Variants in MMP16 observed in about 807,000 individuals in gnomAD.
MMP16 encodes matrix metalloproteinase-16.
Under a neutral mutation model 67.8 loss-of-function variants are expected in MMP16, and 12 were observed. The observed-to-expected ratio is 0.18, with a 90% CI of 0.11 to 0.29. The LOEUF is 0.29. Ranked by LOEUF, MMP16 falls within the 10% of genes least tolerant of loss-of-function variation. The pLI is 1.00. For missense variants in MMP16, 475 were observed against 765.7 expected, an observed-to-expected ratio of 0.62 and a Z score of 4.48; for synonymous variants, 249 against 255.9, an observed-to-expected ratio of 0.97 and a Z score of 0.26.
intron 4 of MMP16, among the ~76,000 whole-genome samples, chr8:88,162,390 C>T (rs948834772): frequency 4.0e-5 from 6 of 151,816 alleles, no homozygotes; most frequent in Non-Finnish European, 1.5e-5. Flanking sequence ...GGTGTGAAAG[C>T]CGAATTATTG....
chr8:88,173,108 G>A (rs539945324), intron 3 of MMP16, among the ~76,000 whole-genome samples: 56 of 152,254 alleles, frequency 3.7e-4, no homozygotes, highest in Non-Finnish European at 7.8e-4. Flanking sequence ...GGAGTGCAGT[G>A]GCAAGATCAC....
chr8:88,162,599 T>C (rs889693844), intron 4 of MMP16, among the ~76,000 whole-genome samples: 4 of 152,114 alleles, frequency 2.6e-5, no homozygotes, highest in Admixed American at 2.0e-4. Context: ...TGGTACTGAC[T>C]GATAGGCATC....
At chr8:88,256,074 C>T (rs1425739060) in intron 1 of MMP16, among the ~76,000 whole-genome samples, 1 of 152,094 alleles carries the variant, frequency 6.6e-6, no homozygotes, top group African/African-American at 2.4e-5. Flanking sequence ...AGCTCATCTC[C>T]TATTTTCAGC....
In MMP16 at chr8:88,327,202, A is replaced by G. The variant is rs780907693; in HGVS notation, c.5T>C (p.Ile2Thr). The change falls in exon 1 of 10, where the codon ATC (isoleucine) becomes ACC (threonine). Residue 2 changes from isoleucine to threonine, a missense_variant. Ile to Thr is a moderately conservative substitution (Grantham distance 89). Around this residue, in one of 5 missense-constraint regions of MMP16, gnomAD observed 170 missense variants for 239.6 expected, o/e 0.71. Coordinates refer to ENST00000286614, the MANE Select transcript of MMP16 (RefSeq NM_005941.5). ...TCTTCCAGTGCTGAATGTGAGTAAGATCATAGTGAACTGTGCTTCAATGGA... is the reference window on the plus strand; with the variant it reads ...TCTTCCAGTGCTGAATGTGAGTAAGGTCATAGTGAACTGTGCTTCAATGGA... M[I>T]LLTFSTGRRL... is the part of the protein sequence containing the mutation. 18 of 1,613,710 alleles carry G rather than the reference A, an allele frequency of 1.1e-5. No homozygotes were observed. In the South Asian group the frequency reaches 1.4e-4, roughly 13 times the overall value.
intron 9 of MMP16, among the ~76,000 whole-genome samples, chr8:88,045,162 CT>C (rs929400128): frequency 6.6e-6 from 1 of 152,148 alleles, no homozygotes; most frequent in Non-Finnish European, 1.5e-5. Flanking sequence ...TTCTTTTTGA[CT>C]TTGCCTCTGC....
chr8:88,124,525 CG>C (rs896953630), intron 4 of MMP16, among the ~76,000 whole-genome samples: 2 of 151,782 alleles, frequency 1.3e-5, no homozygotes, highest in Non-Finnish European at 2.9e-5. Flanking sequence ...CCACTTTTTC[CG>C]TAGCCCTAAA....
At chr8:88,139,455 A>G (rs1563543328) in intron 4 of MMP16, among the ~76,000 whole-genome samples, 1 of 152,116 alleles carries the variant, frequency 6.6e-6, no homozygotes, top group Admixed American at 6.6e-5. Flanking sequence ...CCATCATTTA[A>G]GACTCTAGTA....
intron 7 of MMP16, among the ~76,000 whole-genome samples, chr8:88,065,925 T>A (rs1808457999): frequency 6.6e-6 from 1 of 152,170 alleles, no homozygotes; most frequent in Non-Finnish European, 1.5e-5. Context: ...TCTCTTTTGA[T>A]ACACATCTTG....
At chr8:88,290,309 T>G (rs1474158210) in intron 1 of MMP16, among the ~76,000 whole-genome samples, 1 of 152,024 alleles carries the variant, frequency 6.6e-6, no homozygotes, top group Non-Finnish European at 1.5e-5. Flanking sequence ...TCCCAGCAAC[T>G]TGGGAGGCCG....
intron 2 of MMP16, among the ~76,000 whole-genome samples, chr8:88,188,748 C>T (rs1348295066): frequency 2.0e-5 from 3 of 151,882 alleles, no homozygotes; most frequent in African/African-American, 4.8e-5. Context: ...CTCCACCTCC[C>T]GGGTTCAAGC....
intron 6 of MMP16, among the ~76,000 whole-genome samples, chr8:88,088,392 C>CT (rs1322955289): frequency 6.6e-6 from 1 of 151,668 alleles, no homozygotes; most frequent in East Asian, 2.0e-4. Context: ...TAGGGAAAGA[C>CT]TTTTTTTCTT....
chr8:88,077,497 T>G (rs1808670671), intron 6 of MMP16, among the ~76,000 whole-genome samples: 1 of 152,166 alleles, frequency 6.6e-6, no homozygotes, highest in Admixed American at 6.5e-5. Flanking sequence ...TCACTGCATT[T>G]ATAGTCATTT....
intron 1 of MMP16, among the ~76,000 whole-genome samples, chr8:88,265,729 T>C (rs1453802048): frequency 6.6e-6 from 1 of 152,178 alleles, no homozygotes; most frequent in Admixed American, 6.5e-5. Context: ...AGTCCATGAC[T>C]ATAGGAAAAT....
chr8:88,161,375 T>C (rs1808619891), intron 4 of MMP16, among the ~76,000 whole-genome samples: 1 of 152,198 alleles, frequency 6.6e-6, no homozygotes. Flanking sequence ...TTTGTATTTC[T>C]GTGGGATCAG....
intron 1 of MMP16, among the ~76,000 whole-genome samples, chr8:88,215,148 AC>A (rs996822711): frequency 1.4e-4 from 21 of 152,022 alleles, no homozygotes; most frequent in African/African-American, 4.8e-4. Flanking sequence ...ACATGGTGAA[AC>A]CCCATCTTTA....
intron 1 of MMP16, among the ~76,000 whole-genome samples, chr8:88,198,810 T>C (rs1406176434): frequency 1.3e-5 from 2 of 152,068 alleles, no homozygotes; most frequent in Non-Finnish European, 2.9e-5. Flanking sequence ...TAAACTCATG[T>C]ACCATATAGT....
At chr8:88,247,602 C>A (rs1348395015) in intron 1 of MMP16, among the ~76,000 whole-genome samples, 2 of 151,818 alleles carry the variant, frequency 1.3e-5, no homozygotes, top group African/African-American at 2.4e-5. Context: ...CATTTTCCTG[C>A]CAATCCAGGA....
chr8:88,198,116 T>A (rs1809285277), intron 1 of MMP16, among the ~76,000 whole-genome samples: 2 of 152,172 alleles, frequency 1.3e-5, no homozygotes, highest in African/African-American at 4.8e-5. Context: ...GAGCAAAAAT[T>A]CGGAGTCATT....
intron 1 of MMP16, among the ~76,000 whole-genome samples, chr8:88,265,477 T>C (rs1305462234): frequency 6.6e-6 from 1 of 152,094 alleles, no homozygotes; most frequent in African/African-American, 2.4e-5. Flanking sequence ...AGAATGATCA[T>C]TAACTGGGTA....
Sources: allele counts gnomAD v4.1 joint callset (sites outside exome capture counted in the v4.1 genomes callset), GRCh38; gene constraint gnomAD v4.1.1; regional missense constraint gnomAD v4.1.1; transcripts MANE v1.5; gene names NCBI Gene and HGNC (gene_info 2026-07-23, HGNC 2026-07-21).